The following ATP13A3 variants were observed in gnomAD, a reference collection of about 807,000 sequenced individuals.
ATP13A3 encodes the protein polyamine-transporting ATPase 13A3.
In ATP13A3, 59 loss-of-function variants were observed where a neutral mutation model predicts 158.1. The ratio of observed to expected loss-of-function variants is 0.37; its 90% confidence interval spans 0.30 to 0.46. The LOEUF (loss-of-function observed/expected upper bound fraction) is 0.46. Ranked by LOEUF, ATP13A3 falls within the 20% of genes least tolerant of loss-of-function variation. The probability of loss-of-function intolerance (pLI) is 1.00; values close to 1 mark genes in which losing one functional copy is unlikely to be tolerated. For missense variants in ATP13A3, 1,166 were observed against 1,525.2 expected, an observed-to-expected ratio of 0.76 and a Z score of 3.92; for synonymous variants, 491 against 504.3, an observed-to-expected ratio of 0.97 and a Z score of 0.35.
At chr3:194,413,170 C>A (rs545637469) in intron 32 of ATP13A3, 1 of 152,492 alleles carries the variant, frequency 6.6e-6, no homozygotes, top group African/African-American at 2.4e-5. Context: ...AAAGGCAATC[C>A]TAACGGGAGG....
chr3:194,425,487 G>A lies in ATP13A3; in HGVS notation c.3168C>T (p.His1056=), dbSNP rs568732265. Residue 1056 remains histidine, a synonymous_variant, in exon 30 of 34, where the codon CAC becomes CAT. Transcript: ENST00000645319. ...TTGSGFWNSS[H]VDNETELDEH... is the part of the protein sequence containing the mutation. ...CATCAAGTTCGGTTTCATTGTCTAC[G>A]TGTGAAGAATTCCAAAACCCGCTTC... is the stretch of plus-strand genomic sequence containing the variant. 3.3e-5 allele frequency: 53 copies of A among 1,612,986 alleles called. No homozygotes were observed. The highest frequency in any genetic ancestry group is 9.3e-5 in the African/African-American group (7 of 74,944).
At chr3:194,433,701 A>G (rs1184271110) in intron 21 of ATP13A3, 71 bp downstream of exon 21, 1 of 1,530,610 alleles carries the variant, frequency 6.5e-7, no homozygotes, top group East Asian at 2.3e-5. Context: ...ATAACTGATT[A>G]TCCCTCAATA....
At chr3:194,444,526 G>A (rs1234657122) in intron 15 of ATP13A3, among the ~76,000 whole-genome samples, 199 bp downstream of exon 15, 1 of 152,026 alleles carries the variant, frequency 6.6e-6, no homozygotes, top group African/African-American at 2.4e-5. Context: ...ATTGGGGAAG[G>A]GATACAGTGG....
chr3:194,453,548 G>A (rs1292520592), intron 10 of ATP13A3, among the ~76,000 whole-genome samples, 158 bp downstream of exon 10: 1 of 152,188 alleles, frequency 6.6e-6, no homozygotes, highest in African/African-American at 2.4e-5. Context: ...GCAGTAAGCT[G>A]AGATTGTGCC....
intron 14 of ATP13A3, 90 bp from the exon 15 acceptor site, chr3:194,444,876 T>TAGTTTC: frequency 3.2e-6 from 3 of 939,456 alleles, no homozygotes; most frequent in Non-Finnish European, 4.9e-6. Context: ...CCACACAGCA[T>TAGTTTC]TAGAAACTAT....
At chr3:194,441,807 C>G (rs1718070524) in intron 15 of ATP13A3, among the ~76,000 whole-genome samples, 1 of 152,120 alleles carries the variant, frequency 6.6e-6, no homozygotes, top group Non-Finnish European at 1.5e-5. Context: ...AAAGCCAGTA[C>G]TCTTGAAGAG....
intron 2 of ATP13A3, among the ~76,000 whole-genome samples, chr3:194,464,240 T>C (rs1425411767): frequency 6.6e-6 from 1 of 152,184 alleles, no homozygotes; most frequent in Non-Finnish European, 1.5e-5. Flanking sequence ...TCTTATCAAA[T>C]ATGTGAATAC....
chr3:194,430,108 T>C lies in ATP13A3; in HGVS notation c.2741A>G (p.Lys914Arg). ...TGGCACACAGGAAATACTAGGAGTCTTAGAGGTAAAGGGAGATGCCACTGA... is the reference window on the plus strand; with the variant it reads ...TGGCACACAGGAAATACTAGGAGTCCTAGAGGTAAAGGGAGATGCCACTGA... ...EASVASPFTS[K>R]TPSISCVPNL... The change falls in exon 26 of 34, where the codon AAG (lysine) becomes AGG (arginine). Residue 914 changes from lysine (K) to arginine (R), a missense_variant. Lys to Arg is a conservative substitution (Grantham distance 26, BLOSUM62 2). This residue lies in a region of ATP13A3 where 997 missense variants were observed against 1,341.2 expected (regional missense o/e 0.74). Coordinates refer to ENST00000645319, the MANE Select transcript of ATP13A3 (RefSeq NM_001367549.1). 6.2e-7 allele frequency: 1 copy of C among 1,614,122 alleles called. No individual in the cohort carries two copies. Among genetic ancestry groups the C allele is most frequent in the Non-Finnish European group, 8.5e-7 (1 of 1,180,010 alleles).
At chr3:194,476,856 G>C (rs1192139714) in intron 2 of ATP13A3, among the ~76,000 whole-genome samples, 2 of 149,962 alleles carry the variant, frequency 1.3e-5, no homozygotes, top group East Asian at 3.9e-4. Context: ...GTCTTACAAC[G>C]CACAACATGA....
intron 2 of ATP13A3, among the ~76,000 whole-genome samples, chr3:194,465,899 T>C (rs2108997579): frequency 6.6e-6 from 1 of 151,938 alleles, no homozygotes; most frequent in South Asian, 2.1e-4. Context: ...GGAGAATCGC[T>C]TGAATCCCAG....
At chr3:194,410,328 A>AAAAAAAAAAAAAC (rs1715305305) in intron 33 of ATP13A3, among the ~76,000 whole-genome samples, 1 of 148,950 alleles carries the variant, frequency 6.7e-6, no homozygotes, top group Non-Finnish European at 1.5e-5. Context: ...AAAAAAAAAA[A>AAAAAAAAAAAAAC]AAACTGCTGG....
In ATP13A3 at chr3:194,433,941, G is replaced by C. The variant is rs1717435279; in HGVS notation, c.2121-45C>G. The C allele has an allele frequency of 2.5e-6, 4 of 1,574,344 alleles. No homozygotes were observed. In the East Asian group the frequency reaches 9.0e-5, roughly 35 times the overall value. ...AACACATAATGGTTTAGTCAATTGA[G>C]TAAGCAACTTATGTACACAAACTTG... On this transcript the variant is annotated intron_variant, in intron 20 of 33. Coordinates refer to ENST00000645319, the MANE Select transcript of ATP13A3 (RefSeq NM_001367549.1).
Position 194,431,736 on chromosome 3 carries a change from G to A in ATP13A3, c.2402C>T (p.Pro801Leu). ...CCTTACCTCTGGGTCAATTGCTGATGGATGACTGCACTGCGTGAGGGAGTC... is the reference window on the plus strand; with the variant it reads ...CCTTACCTCTGGGTCAATTGCTGATAGATGACTGCACTGCGTGAGGGAGTC... ...YADSLTQCSHPSAIDPEAIPV... is the reference protein window; with the variant it reads ...YADSLTQCSHLSAIDPEAIPV... Residue 801 changes from proline to leucine, a missense_variant, in exon 22 of 34, where the codon CCA (proline) becomes CTA (leucine). Around this residue, in one of 3 missense-constraint regions of ATP13A3, gnomAD observed 997 missense variants for 1,341.2 expected, o/e 0.74. Transcript: ENST00000645319. The A allele has an allele frequency of 6.3e-7, 1 of 1,588,402 alleles. No individual in the cohort carries two copies. Among genetic ancestry groups the A allele is most frequent in the Non-Finnish European group, 8.6e-7 (1 of 1,169,022 alleles).
chr3:194,442,087 G>A (rs542632365), intron 15 of ATP13A3, among the ~76,000 whole-genome samples: 20 of 152,224 alleles, frequency 1.3e-4, no homozygotes, highest in African/African-American at 3.4e-4. Flanking sequence ...AGGTTACACC[G>A]TCCATAAGTA....
chr3:194,438,730 G>A (rs1310275622), intron 17 of ATP13A3, 126 bp downstream of exon 17: 4 of 525,224 alleles, frequency 7.6e-6, no homozygotes, highest in African/African-American at 2.0e-5. Context: ...TTTGAGCCCA[G>A]GAGTTTGAGA....
rs374793289 is a variant in ATP13A3, at chr3:194,460,739, A to G, written c.144T>C (p.Tyr48=). 1 of 1,614,064 alleles carries G rather than the reference A, an allele frequency of 6.2e-7. No homozygotes were observed. The highest frequency in any genetic ancestry group is 1.1e-5 in the South Asian group (1 of 91,090). ...CTTTCACCCGCCACTCAGGCATCCA[A>G]TAGAGGAGGAGGAGGAGAAACCCAC... is the stretch of plus-strand genomic sequence containing the variant. ...CSGGFLLLLL[Y]WMPEWRVKAT... is the part of the protein sequence containing the mutation. The change falls in exon 4 of 34, where the codon TAT becomes TAC. Residue 48 remains tyrosine, a synonymous_variant. Coordinates refer to ENST00000645319, the MANE Select transcript of ATP13A3 (RefSeq NM_001367549.1).
intron 2 of ATP13A3, among the ~76,000 whole-genome samples, chr3:194,493,117 T>C (rs1192094255): frequency 6.8e-6 from 1 of 147,640 alleles, no homozygotes; most frequent in Non-Finnish European, 1.5e-5. Flanking sequence ...CTGGGCAACA[T>C]AGTGAGATCT....
At chr3:194,483,457 G>A (rs1235669731) in intron 2 of ATP13A3, among the ~76,000 whole-genome samples, 4 of 150,028 alleles carry the variant, frequency 2.7e-5, no homozygotes, top group East Asian at 1.9e-4. Context: ...GGGTGTGATG[G>A]TGCACACCTG....
chr3:194,476,976 G>A (rs866488873), intron 2 of ATP13A3, among the ~76,000 whole-genome samples: 2 of 152,178 alleles, frequency 1.3e-5, no homozygotes, highest in Middle Eastern at 3.4e-3. Flanking sequence ...CTCTGGCCCC[G>A]CCTAGTTGTC....
Sources: gnomAD v4.1 joint callset for allele counts (sites outside exome capture counted in the v4.1 genomes callset) on GRCh38, gnomAD v4.1.1 for gene constraint, gnomAD v4.1.1 regional missense constraint, MANE v1.5 for transcripts, NCBI Gene and HGNC (gene_info 2026-07-23, HGNC 2026-07-21) for gene names.